MRM2: variants seen among roughly 807,000 people sequenced by gnomAD.
MRM2 encodes mitochondrial rRNA methyltransferase 2, also known as rRNA methyltransferase 2, mitochondrial.
A neutral mutation model predicts 10.9 loss-of-function variants in MRM2; 15 were observed. The observed-to-expected ratio is 1.37, with a 90% CI of 0.92 to 2.11. MRM2 has a LOEUF of 2.11. MRM2 is among the 30% of genes most tolerant of loss of function. The probability of loss-of-function intolerance (pLI) is 0.00; values close to 1 mark genes in which losing one functional copy is unlikely to be tolerated. For synonymous variants in MRM2, 139 were observed against 128.7 expected, an observed-to-expected ratio of 1.08 and a Z score of -0.54; for missense variants, 328 against 321.3, an observed-to-expected ratio of 1.02 and a Z score of -0.16.
rs1395265758 is a variant in MRM2 at position 2,235,064 on chromosome 7, G to GT, written c.*57_*58insA. On this transcript the variant is annotated 3_prime_UTR_variant, in exon 3 of 3. Coordinates refer to ENST00000242257, the MANE Select transcript of MRM2 (RefSeq NM_013393.3). ...TCCCAGGAACTCTTCAGGAGCTCAG[G>GT]CTACGTTTCTAGCTTAAAAGGAGCT... is the stretch of plus-strand genomic sequence containing the variant. 7.5e-7 allele frequency: 1 copy of GT among 1,342,168 alleles called. No individual in the cohort carries two copies. The highest frequency in any genetic ancestry group is 1.4e-5 in the African/African-American group (1 of 69,448). The allele number at this position is 1,342,168 out of a possible 1,614,324, so 83.1% of individuals were successfully genotyped here. A position where few individuals can be genotyped will look rare whatever the true frequency, so the allele number is the denominator to read the frequency against.
intron 2 of MRM2, among the ~76,000 whole-genome samples, chr7:2,236,174 G>GA (rs1794416306): frequency 6.6e-6 from 1 of 152,174 alleles, no homozygotes; most frequent in Non-Finnish European, 1.5e-5. Flanking sequence ...AGGTTGCAGT[G>GA]AGCCAAGATC....
At position 2,235,195 on chromosome 7, in the gene MRM2, C is replaced by G; in HGVS notation, c.668G>C (p.Ser223Thr). The change falls in exon 3 of 3, where the codon AGC becomes ACC. Residue 223 changes from serine (S) to threonine (T), a missense_variant. Transcript: ENST00000242257. ...GTACACTTCTGATGACTCTTTCCTG[C>G]TGGCTTCAGGTTTGATGATCCTTAC... is the stretch of plus-strand genomic sequence containing the variant. ...QNVRIIKPEA[S>T]RKESSEVYFL... 6.2e-7 allele frequency: 1 copy of G among 1,614,140 alleles called. No individual in the cohort carries two copies. The highest frequency in any genetic ancestry group is 8.5e-7 in the Non-Finnish European group (1 of 1,179,972).
Position 2,235,362 on chromosome 7 carries a change from A to G in MRM2, c.501T>C (p.His167=). The G allele has an allele frequency of 1.2e-6, 2 of 1,614,064 alleles. No homozygotes were observed. Among genetic ancestry groups the G allele is most frequent in the South Asian group, 1.1e-5 (1 of 91,084 alleles). Residue 167 remains histidine (H), a synonymous_variant, in exon 3 of 3, where the codon CAT becomes CAC. Coordinates refer to ENST00000242257, the MANE Select transcript of MRM2 (RefSeq NM_013393.3). The part of the protein sequence containing the change: ...PNATGFRDLD[H]DRLISLCLTL... Reference sequence around the variant, plus strand: ...TCAGGCACAGGCTGATGAGCCTGTCATGATCGAGGTCCCGGAACCCTGTGG... The same window carrying G: ...TCAGGCACAGGCTGATGAGCCTGTCGTGATCGAGGTCCCGGAACCCTGTGG...
rs753590801 is a variant in MRM2 at position 2,239,559 on chromosome 7, G to A, written c.157C>T (p.Arg53Trp). The change falls in exon 2 of 3, where the codon CGG (arginine) becomes TGG (tryptophan). Residue 53 changes from arginine (R) to tryptophan (W), a missense_variant. Transcript: ENST00000242257. ...FVKAAKVESY[R>W]CRSAFKLLEV... ...AGGAGCTTGAAGGCGCTTCGACACC[G>A]GTAACTCTCCACCTTCGCAGCCTTC... 8.1e-6 allele frequency: 13 copies of A among 1,613,890 alleles called. No individual in the cohort carries two copies. Among genetic ancestry groups the A allele is most frequent in the East Asian group, 2.2e-5 (1 of 44,890 alleles).
Position 2,235,277 on chromosome 7 carries a change from A to C in MRM2, c.586T>G (p.Trp196Gly). 6.2e-7 allele frequency: 1 copy of C among 1,614,128 alleles called. No individual in the cohort carries two copies. Among genetic ancestry groups the C allele is most frequent in the Non-Finnish European group, 8.5e-7 (1 of 1,180,024 alleles). ...AACCGACGGCTTTGACTTCCAGCCC[A>C]GGTTTTACAAAGGAATGTCCCCCCA... is the stretch of plus-strand genomic sequence containing the variant. ...QPGGTFLCKT[W>G]AGSQSRRLQR... The change falls in exon 3 of 3, where the codon TGG (tryptophan) becomes GGG (glycine). Residue 196 changes from tryptophan (W) to glycine (G), a missense_variant. By Grantham distance (184) the Trp-to-Gly change is radical. Coordinates refer to ENST00000242257, the MANE Select transcript of MRM2 (RefSeq NM_013393.3).
chr7:2,239,392 G>A lies in MRM2; in HGVS notation c.298+26C>T, dbSNP rs1366428483. On this transcript the variant is annotated intron_variant, in intron 2 of 2. Transcript: ENST00000242257. ...CACTCAGCCTCAGGGGAGCCAGAAG[G>A]TGCCAACAGCAGTGCAGAGGCCCAC... 4.4e-6 allele frequency: 7 copies of A among 1,583,626 alleles called. No individual in the cohort carries two copies. The South Asian group carries it at 7.9e-5, about 18-fold the overall frequency.
At chr7:2,240,373 T>G (rs533574209) in intron 1 of MRM2, 159 of 432,724 alleles carry the variant, frequency 3.7e-4, no homozygotes, top group African/African-American at 2.9e-3. Flanking sequence ...TGACAGCTAG[T>G]ACAGAGGGTC....
In MRM2 at chr7:2,235,348, CTGA is replaced by C. The variant is rs1373279897; in HGVS notation, c.512_514del (p.Ile171del). 9 of 1,613,982 alleles carry C rather than the reference CTGA, an allele frequency of 5.6e-6. No homozygotes were observed. The highest frequency in any genetic ancestry group is 7.6e-6 in the Non-Finnish European group (9 of 1,180,004). The stretch of plus-strand genomic sequence containing the variant: ...CACGCTGAGAAGGGTCAGGCACAGG[CTGA>C]TGAGCCTGTCATGATCGAGGTCCCG... On this transcript the variant is annotated inframe_deletion, in exon 3 of 3. Transcript: ENST00000242257.
intron 1 of MRM2, among the ~76,000 whole-genome samples, chr7:2,241,740 T>C (rs1794546261): frequency 6.6e-6 from 1 of 152,246 alleles, no homozygotes; most frequent in Non-Finnish European, 1.5e-5. Context: ...TGAGTCGCTG[T>C]CTTCCCCTCG....
rs554866427 is a variant in MRM2 at position 2,239,119 on chromosome 7, T to C, written c.298+299A>G. ...TATGGCACAACATCGCTTTTGAAAA[T>C]GTGAGGGATCTATGCATGCACAAGC... is the stretch of plus-strand genomic sequence containing the variant. On this transcript the variant is annotated intron_variant, in intron 2 of 2. Transcript: ENST00000242257. 61 of 767,156 alleles carry C rather than the reference T, an allele frequency of 8.0e-5. No individual in the cohort carries two copies. The Admixed American group carries it at 9.4e-4, about 12-fold the overall frequency. The allele number at this position is 767,156 out of a possible 1,614,324, so 47.5% of individuals were successfully genotyped here. A position where few individuals can be genotyped will look rare whatever the true frequency, so the allele number is the denominator to read the frequency against.
intron 1 of MRM2, 185 bp downstream of exon 1, chr7:2,241,977 G>A: frequency 1.7e-6 from 1 of 592,800 alleles, no homozygotes; most frequent in Non-Finnish European, 2.7e-6. Context: ...CTGGAGACCT[G>A]AGGGCGCCCT....
rs1584622321 is a variant in MRM2, at chr7:2,234,914, C to T, written c.*208G>A. The stretch of plus-strand genomic sequence containing the variant: ...TCTTCCCAAATCACAATATAGCGGA[C>T]TTTTTCATTTTCCATGGCCCCTGAA... On this transcript the variant is annotated 3_prime_UTR_variant, in exon 3 of 3. Transcript: ENST00000242257. 1.9e-5 allele frequency: 11 copies of T among 576,058 alleles called. No individual in the cohort carries two copies. In the East Asian group the frequency reaches 3.2e-4, roughly 17 times the overall value. The allele number at this position is 576,058 out of a possible 1,614,324, so 35.7% of individuals were successfully genotyped here.
chr7:2,237,364 A>G lies in MRM2; in HGVS notation c.299-1800T>C, dbSNP rs545227194. ...ATCCAGTATGTTACAACCTTCGGAA[A>G]TTTCCACCGAAGGCAAACAGCTTTG... On this transcript the variant is annotated intron_variant, in intron 2 of 2. Transcript: ENST00000242257. Among the ~76,000 whole-genome samples, 142 of 152,290 alleles carry G rather than the reference A, an allele frequency of 9.3e-4. 1 individual carries two copies. The Middle Eastern group carries it at 0.041, about 44-fold the overall frequency.
At chr7:2,242,066 C>G in intron 1 of MRM2, 96 bp downstream of exon 1, 1 of 1,326,996 alleles carries the variant, frequency 7.5e-7, no homozygotes, top group South Asian at 1.3e-5. Flanking sequence ...GCCCAGCGCT[C>G]GGCACCCAGC....
At chr7:2,239,790 A>T (rs1261737703) in intron 1 of MRM2, 83 bp from the exon 2 acceptor site, 1 of 1,273,456 alleles carries the variant, frequency 7.9e-7, no homozygotes, top group Non-Finnish European at 1.1e-6. Context: ...GGATCAACTC[A>T]TTCATTTCTA....
At chr7:2,238,532 A>C (rs958515423) in intron 2 of MRM2, 1 of 152,220 alleles carries the variant, frequency 6.6e-6, no homozygotes, top group African/African-American at 2.4e-5. Flanking sequence ...CTGGCCATGA[A>C]GCCTCTTCTA....
Position 2,235,282 on chromosome 7 carries a change from T to A in MRM2, c.581A>T (p.Lys194Ile). Residue 194 changes from lysine (K) to isoleucine (I), a missense_variant, in exon 3 of 3, where the codon AAA becomes ATA. Lys to Ile is a moderately radical substitution (Grantham distance 102). Coordinates refer to ENST00000242257, the MANE Select transcript of MRM2 (RefSeq NM_013393.3). ...ACGGCTTTGACTTCCAGCCCAGGTT[T>A]TACAAAGGAATGTCCCCCCAGGTTG... is the stretch of plus-strand genomic sequence containing the variant. The part of the protein sequence containing the change: ...ILQPGGTFLC[K>I]TWAGSQSRRL... 6.2e-7 allele frequency: 1 copy of A among 1,614,148 alleles called. No individual in the cohort carries two copies. Among genetic ancestry groups the A allele is most frequent in the Non-Finnish European group, 8.5e-7 (1 of 1,180,026 alleles).
Position 2,235,236 on chromosome 7 carries a change from TGTCA to T in MRM2, c.623_626del (p.Leu208GlnfsTer7). On this transcript the variant is annotated frameshift_variant, in exon 3 of 3. Transcript: ENST00000242257. LOFTEE classifies it low-confidence loss of function (END_TRUNC). ...TGATCCTTACATTCTGGAATTCCTC[TGTCA>T]GTCTCCTCTGTAACCGACGGCTTTG... 1 of 1,613,784 alleles carries T rather than the reference TGTCA, an allele frequency of 6.2e-7. No individual in the cohort carries two copies.
intron 2 of MRM2, chr7:2,238,098 G>A (rs892901709): frequency 1.3e-5 from 2 of 152,160 alleles, no homozygotes; most frequent in East Asian, 1.9e-4. Flanking sequence ...GAAACCCTGA[G>A]CCTGTTTTCT....
Sources: gnomAD v4.1 joint callset for allele counts (sites outside exome capture counted in the v4.1 genomes callset) on GRCh38, gnomAD v4.1.1 for gene constraint, MANE v1.5 for transcripts, NCBI Gene and HGNC (gene_info 2026-07-23, HGNC 2026-07-21) for gene names.